HOMER2: variants seen among roughly 807,000 people sequenced by gnomAD.
HOMER2 encodes the protein homer scaffold protein 2.
Under a neutral mutation model 47.0 loss-of-function variants are expected in HOMER2, and 27 were observed. That is an observed-to-expected ratio of 0.57 (90% CI 0.42 to 0.79). HOMER2 has a LOEUF of 0.79. Ranked by LOEUF, HOMER2 falls within the 30% of genes least tolerant of loss-of-function variation. The pLI, the probability that HOMER2 is intolerant of heterozygous loss-of-function variation, is 0.00. For missense variants in HOMER2, 443 were observed against 435.0 expected (o/e 1.02, Z -0.16); for synonymous variants, 161 against 163.8 (o/e 0.98, Z 0.13).
intron 1 of HOMER2, among the ~76,000 whole-genome samples, chr15:82,903,086 C>T (rs1017353996): frequency 3.9e-5 from 6 of 152,122 alleles, no homozygotes; most frequent in African/African-American, 1.2e-4. Context: ...ATCAGAACTA[C>T]AATTTAGAGG....
At chr15:82,977,978 C>T (rs1446073032) in intron 1 of HOMER2, among the ~76,000 whole-genome samples, 3 of 152,020 alleles carry the variant, frequency 2.0e-5, no homozygotes, top group Non-Finnish European at 4.4e-5. Flanking sequence ...GGTGAAACCC[C>T]GTCTCTACTA....
intron 3 of HOMER2, among the ~76,000 whole-genome samples, chr15:82,870,274 A>C (rs1314455254): frequency 6.6e-6 from 1 of 152,120 alleles, no homozygotes; most frequent in African/African-American, 2.4e-5. Flanking sequence ...CAATCATGGA[A>C]ATCCGTTTCC....
Position 82,913,721 on chromosome 15 carries a change from C to T in HOMER2, c.6-20880G>A, listed in dbSNP as rs1662279348. ...CCATCCTGGACCCTTCCTCCAGAATCCCCCACTGCCAGTCCCTCATCCTGG... is the reference window on the plus strand; with the variant it reads ...CCATCCTGGACCCTTCCTCCAGAATTCCCCACTGCCAGTCCCTCATCCTGG... On this transcript the variant is annotated intron_variant, in intron 1 of 8. Transcript: ENST00000450735. The surrounding 1 kb of genome is among the most constrained non-coding windows in gnomAD (Gnocchi z 4.1). Among the ~76,000 whole-genome samples the T allele has an allele frequency of 6.6e-6, 1 of 152,178 alleles. No homozygotes were observed. The highest frequency in any genetic ancestry group is 2.4e-5 in the African/African-American group (1 of 41,452).
intron 1 of HOMER2, among the ~76,000 whole-genome samples, chr15:82,962,589 A>G (rs1054660510): frequency 1.3e-5 from 2 of 151,760 alleles, no homozygotes; most frequent in African/African-American, 4.8e-5. Context: ...AGGTAGGAGA[A>G]TTGCTTGAAC....
intron 7 of HOMER2, among the ~76,000 whole-genome samples, chr15:82,851,691 GA>G (rs1946642526): frequency 6.6e-6 from 1 of 152,244 alleles, no homozygotes; most frequent in Non-Finnish European, 1.5e-5. Flanking sequence ...AGCTACACAG[GA>G]GGCTGAGGTG....
intron 1 of HOMER2, among the ~76,000 whole-genome samples, chr15:82,970,647 C>T (rs11259962): frequency 5.3e-5 from 8 of 151,962 alleles, no homozygotes; most frequent in Non-Finnish European, 1.2e-4. Flanking sequence ...GCATTCATGT[C>T]GAATGTAAAG....
chr15:82,981,892 G>A lies in HOMER2; in HGVS notation n.82+3895C>T, dbSNP rs893322627. On this transcript the variant is annotated intron_variant and non_coding_transcript_variant, in intron 1 of 1. Transcript: ENST00000500334. ...GGTTTAATGGGCACAGAATTTCAGTGTGAGAAGATGAAAAAATCTCGAGAT... is the reference window on the plus strand; with the variant it reads ...GGTTTAATGGGCACAGAATTTCAGTATGAGAAGATGAAAAAATCTCGAGAT... Among the ~76,000 whole-genome samples, 3 of 151,878 alleles carry A rather than the reference G, an allele frequency of 2.0e-5. No individual in the cohort carries two copies. In the East Asian group the frequency reaches 5.8e-4, roughly 29 times the overall value.
intron 1 of HOMER2, among the ~76,000 whole-genome samples, chr15:82,969,104 T>C (rs954193760): frequency 2.6e-5 from 4 of 152,222 alleles, no homozygotes; most frequent in South Asian, 2.1e-4. Flanking sequence ...GAATTATCCA[T>C]AGTTGTTTGT....
chr15:82,850,078 G>A (rs1035333528), intron 8 of HOMER2, among the ~76,000 whole-genome samples, 175 bp from the exon 9 acceptor site: 2 of 152,186 alleles, frequency 1.3e-5, no homozygotes, highest in Non-Finnish European at 2.9e-5. Context: ...ACATCAGAAG[G>A]GAAGCAGCAG....
chr15:82,967,029 G>A (rs1001542694), intron 1 of HOMER2, among the ~76,000 whole-genome samples: 2 of 152,138 alleles, frequency 1.3e-5, no homozygotes, highest in Non-Finnish European at 2.9e-5. Context: ...AGGCCAAGGT[G>A]GGAGGATTGC....
chr15:82,862,146 A>C (rs556375224), intron 4 of HOMER2, among the ~76,000 whole-genome samples: 33 of 150,870 alleles, frequency 2.2e-4, no homozygotes, highest in African/African-American at 7.5e-4. Context: ...CAGGTGATCC[A>C]CTGGCCTCGG....
At chr15:82,961,266 T>A (rs2151250806) in intron 1 of HOMER2, among the ~76,000 whole-genome samples, 1 of 152,350 alleles carries the variant, frequency 6.6e-6, no homozygotes, top group East Asian at 1.9e-4. Context: ...TCATACAGAT[T>A]TCCTCTTTCA....
chr15:82,897,346 G>A (rs980308064), intron 1 of HOMER2, among the ~76,000 whole-genome samples: 1 of 152,184 alleles, frequency 6.6e-6, no homozygotes, highest in Non-Finnish European at 1.5e-5. Flanking sequence ...TTACAGGCTT[G>A]AGCCACTGCA....
At chr15:82,923,713 C>A (rs562642618) in intron 1 of HOMER2, among the ~76,000 whole-genome samples, 4 of 152,142 alleles carry the variant, frequency 2.6e-5, no homozygotes, top group Non-Finnish European at 5.9e-5. Context: ...TGTGCACATA[C>A]CCACCCACAC....
chr15:82,984,140 C>T (rs924047027), intron 1 of HOMER2, among the ~76,000 whole-genome samples: 2 of 151,084 alleles, frequency 1.3e-5, no homozygotes. Flanking sequence ...TCACGCCATT[C>T]TCCTGCCTCA....
intron 1 of HOMER2, among the ~76,000 whole-genome samples, chr15:82,948,431 C>T (rs2054430570): frequency 6.6e-6 from 1 of 150,426 alleles, no homozygotes; most frequent in South Asian, 2.1e-4. Context: ...GGTGTGATGG[C>T]ACATGCCTAT....
At chr15:82,943,459 C>T (rs2054307373) in intron 1 of HOMER2, among the ~76,000 whole-genome samples, 1 of 152,214 alleles carries the variant, frequency 6.6e-6, no homozygotes, top group Non-Finnish European at 1.5e-5. Flanking sequence ...CCACTGGGAG[C>T]TCCTTTTCCT....
exon 2 of HOMER2, chr15:82,839,126 G>A (rs965989595): frequency 6.6e-6 from 1 of 152,178 alleles, no homozygotes; most frequent in Non-Finnish European, 1.5e-5. Flanking sequence ...TTATCTGGTG[G>A]AATGAGTCTC....
chr15:82,849,735 TG>T lies in HOMER2; in HGVS notation c.1011del (p.Lys338SerfsTer60). 1 of 1,613,614 alleles carries T rather than the reference TG, an allele frequency of 6.2e-7. No homozygotes were observed. The highest frequency in any genetic ancestry group is 2.2e-5 in the East Asian group (1 of 44,856). The stretch of plus-strand genomic sequence containing the variant: ...CAGCCCTAGTTATCGGTGCCCAGCT[TG>T]GAGAGCCCTCGGCGGAAGTCATGCA... The part of the protein sequence containing the change: ...DDLHDFRRGL[S>X]KLGTDN On this transcript the variant is annotated frameshift_variant, in exon 9 of 9. Transcript: ENST00000450735. LOFTEE classifies it high-confidence loss of function.
Sources: gnomAD v4.1 joint callset for allele counts (sites outside exome capture counted in the v4.1 genomes callset) on GRCh38, gnomAD v4.1.1 for gene constraint, Gnocchi (gnomAD v3.1) non-coding constraint, MANE v1.5 for transcripts, NCBI Gene and HGNC (gene_info 2026-07-23, HGNC 2026-07-21) for gene names.